RRP36: variants seen among roughly 807,000 people sequenced by gnomAD.
RRP36 encodes ribosomal RNA processing protein 36 homolog.
In RRP36, 44 loss-of-function variants were observed where a neutral mutation model predicts 39.8. The ratio of observed to expected loss-of-function variants is 1.10; its 90% CI spans 0.87 to 1.42. The LOEUF is 1.42. RRP36 is among the 40% of genes most tolerant of loss of function. RRP36 has a pLI of 0.00. For synonymous variants in RRP36, 124 were observed against 123.1 expected, an observed-to-expected ratio of 1.01 and a Z score of -0.05; for missense variants, 316 against 322.4, an observed-to-expected ratio of 0.98 and a Z score of 0.15.
At position 43,029,148 on chromosome 6, in the gene RRP36, A is replaced by G; in HGVS notation, c.700A>G (p.Lys234Glu). 1 of 1,614,228 alleles carries G rather than the reference A, an allele frequency of 6.2e-7. No individual in the cohort carries two copies. The highest frequency in any genetic ancestry group is 8.5e-7 in the Non-Finnish European group (1 of 1,180,036). ...GTTCAAGGAGCTGAAACGCAGCAAGAAATTGGAGAACTTCTTGAGTCGAAA... is the reference window on the plus strand; with the variant it reads ...GTTCAAGGAGCTGAAACGCAGCAAGGAATTGGAGAACTTCTTGAGTCGAAA... ...EKFKELKRSK[K>E]LENFLSRKRR... is the part of the protein sequence containing the mutation. The change falls in exon 7 of 7, where the codon AAA becomes GAA. Residue 234 changes from lysine (K) to glutamate (E), a missense_variant. Coordinates refer to ENST00000244496, the MANE Select transcript of RRP36 (RefSeq NM_033112.4).
At position 43,029,077 on chromosome 6, in the gene RRP36, C is replaced by T. The variant is rs766983538; in HGVS notation, c.644-15C>T. ...CCTTCTTTGTTCACCAACTTTCATTCTCCCTGTCATTTAGCTGAGCAGCGC... is the reference window on the plus strand; with the variant it reads ...CCTTCTTTGTTCACCAACTTTCATTTTCCCTGTCATTTAGCTGAGCAGCGC... On this transcript the variant is annotated splice_polypyrimidine_tract_variant and intron_variant, in intron 6 of 6. Coordinates refer to ENST00000244496, the MANE Select transcript of RRP36 (RefSeq NM_033112.4). 1.2e-6 allele frequency: 2 copies of T among 1,613,366 alleles called. No individual in the cohort carries two copies. The highest frequency in any genetic ancestry group is 2.2e-5 in the South Asian group (2 of 91,022).
intron 1 of RRP36, among the ~76,000 whole-genome samples, chr6:43,024,470 G>A (rs1233225588): frequency 6.6e-6 from 1 of 152,166 alleles, no homozygotes; most frequent in African/African-American, 2.4e-5. Context: ...GCCTGTAGGA[G>A]TAACATGATC....
At chr6:43,027,887 G>C (rs573398348) in intron 6 of RRP36, among the ~76,000 whole-genome samples, 22 of 145,902 alleles carry the variant, frequency 1.5e-4, no homozygotes, top group East Asian at 6.0e-4. Context: ...CACACACACA[G>C]AGTTTTATCT....
At position 43,021,721 on chromosome 6, in the gene RRP36, C is replaced by G. The variant is rs1446052199; in HGVS notation, c.67C>G (p.Arg23Gly). The G allele has an allele frequency of 2.7e-6, 3 of 1,119,964 alleles. No homozygotes were observed. In the African/African-American group the frequency reaches 5.0e-5, roughly 19 times the overall value. The allele number at this position is 1,119,964 out of a possible 1,614,324, so 69.4% of individuals were successfully genotyped here. The change falls in exon 1 of 7, where the codon CGG (arginine) becomes GGG (glycine). Residue 23 changes from arginine (R) to glycine (G), a missense_variant. Coordinates refer to ENST00000244496, the MANE Select transcript of RRP36 (RefSeq NM_033112.4). The part of the protein sequence containing the change: ...GAGARRPRGA[R>G]DREEDGGGLE... ...CGGGGCCCGACGTCCCCGCGGGGCC[C>G]GGGACCGCGAGGAGGACGGCGGGGG...
At chr6:43,026,763 G>A (rs1349762410) in intron 4 of RRP36, among the ~76,000 whole-genome samples, 1 of 152,070 alleles carries the variant, frequency 6.6e-6, no homozygotes, top group Non-Finnish European at 1.5e-5. Context: ...CCACCACTTT[G>A]GGAGGCCGAG....
chr6:43,021,641 G>C lies in RRP36; in HGVS notation c.-14G>C. 2.3e-6 allele frequency: 3 copies of C among 1,283,584 alleles called. No homozygotes were observed. The highest frequency in any genetic ancestry group is 3.0e-6 in the Non-Finnish European group (3 of 1,014,164). The allele number at this position is 1,283,584 out of a possible 1,614,324, so 79.5% of individuals were successfully genotyped here. ...AAGCGGCGCCATTCGTCTTCCGAGCGCTACTGCCAGCTGATGCCGGGAGCT... is the reference window on the plus strand; with the variant it reads ...AAGCGGCGCCATTCGTCTTCCGAGCCCTACTGCCAGCTGATGCCGGGAGCT... On this transcript the variant is annotated 5_prime_UTR_variant, in exon 1 of 7. Coordinates refer to ENST00000244496, the MANE Select transcript of RRP36 (RefSeq NM_033112.4).
chr6:43,025,622 CAAAAAAAA>C (rs1219326852), intron 3 of RRP36, among the ~76,000 whole-genome samples: 1 of 63,696 alleles, frequency 1.6e-5, no homozygotes, highest in South Asian at 5.3e-4. Flanking sequence ...GACTCTGTCT[CAAAAAAAA>C]AAAAAAAAAA....
In RRP36 at chr6:43,027,170, A is replaced by G; in HGVS notation, c.451-8A>G. ...TGCTAACCATGATACTCATTTTCCA[A>G]TGTGGAGCTTGTGAAAAAACAGTTG... On this transcript the variant is annotated splice_polypyrimidine_tract_variant and splice_region_variant and intron_variant, in intron 4 of 6. Transcript: ENST00000244496. The G allele has an allele frequency of 6.2e-7, 1 of 1,613,614 alleles. No homozygotes were observed. The highest frequency in any genetic ancestry group is 8.5e-7 in the Non-Finnish European group (1 of 1,179,548).
chr6:43,025,092 A>G lies in RRP36; in HGVS notation c.238A>G (p.Arg80Gly). The G allele has an allele frequency of 2.5e-6, 4 of 1,614,246 alleles. No homozygotes were observed. Among genetic ancestry groups the G allele is most frequent in the Non-Finnish European group, 3.4e-6 (4 of 1,180,050 alleles). ...AAATAGTCCTAAGAAACAAGCTTCTAGACCACCTATCCAAAATGCATGTGT... is the reference window on the plus strand; with the variant it reads ...AAATAGTCCTAAGAAACAAGCTTCTGGACCACCTATCCAAAATGCATGTGT... ...AGNSPKKQAS[R>G]PPIQNACVAD... The change falls in exon 2 of 7, where the codon AGA (arginine) becomes GGA (glycine). Residue 80 changes from arginine to glycine, a missense_variant. Coordinates refer to ENST00000244496, the MANE Select transcript of RRP36 (RefSeq NM_033112.4).
chr6:43,025,657 C>T (rs1322742343), intron 3 of RRP36, among the ~76,000 whole-genome samples: 3 of 148,890 alleles, frequency 2.0e-5, no homozygotes, highest in Non-Finnish European at 4.4e-5. Flanking sequence ...AGAGGCCGGG[C>T]GCAGTGGCTC....
chr6:43,027,906 A>ACG (rs1491249714), intron 6 of RRP36, among the ~76,000 whole-genome samples: 2 of 132,844 alleles, frequency 1.5e-5, no homozygotes, highest in African/African-American at 3.6e-5. Flanking sequence ...CTCTTGGTCT[A>ACG]CACACACACA....
chr6:43,028,287 A>C (rs1561864293), intron 6 of RRP36, among the ~76,000 whole-genome samples: 2 of 151,544 alleles, frequency 1.3e-5, no homozygotes, highest in African/African-American at 4.9e-5. Context: ...CCTAGATTGC[A>C]CTGTTGTACT....
At chr6:43,022,774 G>GGCGCCCGCCACC (rs1762749065) in intron 1 of RRP36, among the ~76,000 whole-genome samples, 2 of 151,654 alleles carry the variant, frequency 1.3e-5, no homozygotes, top group African/African-American at 4.8e-5. Flanking sequence ...TGGGACTACA[G>GGCGCCCGCCACC]GCGCCCGCCA....
chr6:43,021,668 A>G lies in RRP36; in HGVS notation c.14A>G (p.Asn5Ser), dbSNP rs776622419. 7.7e-5 allele frequency: 97 copies of G among 1,262,890 alleles called. No homozygotes were observed. In the African/African-American group the frequency reaches 1.7e-3, roughly 21 times the overall value. 78.2% of individuals were successfully genotyped at this position (1,262,890 alleles called of 1,614,324 possible). Residue 5 changes from asparagine (N) to serine (S), a missense_variant, in exon 1 of 7, where the codon AAC (asparagine) becomes AGC (serine). Asn to Ser is a conservative substitution (Grantham distance 46, BLOSUM62 1). Coordinates refer to ENST00000244496, the MANE Select transcript of RRP36 (RefSeq NM_033112.4). ...TACTGCCAGCTGATGCCGGGAGCTA[A>G]CTACCGCGCCGGGGCCGGGGCCGGG... MPGA[N>S]YRAGAGAGAG... is the part of the protein sequence containing the mutation.
intron 6 of RRP36, 42 bp downstream of exon 6, chr6:43,027,519 G>T: frequency 6.6e-7 from 1 of 1,524,476 alleles, no homozygotes; most frequent in South Asian, 1.1e-5. Flanking sequence ...CAGGGGTGCA[G>T]GGGCCATGGT....
intron 6 of RRP36, among the ~76,000 whole-genome samples, chr6:43,028,746 T>A (rs527319697): frequency 6.6e-6 from 1 of 151,598 alleles, no homozygotes; most frequent in Non-Finnish European, 1.5e-5. Flanking sequence ...AGGTCAGGAG[T>A]TCGAGACCAG....
At chr6:43,029,054 T>G in intron 6 of RRP36, 38 bp from the exon 7 acceptor site, 6 of 1,611,834 alleles carry the variant, frequency 3.7e-6, no homozygotes, top group Non-Finnish European at 5.1e-6. Context: ...AGGGGCTTCC[T>G]TCTTTGTTCA....
In RRP36 at chr6:43,025,334, G is replaced by A. The variant is rs746860425; in HGVS notation, c.345+5G>A. ...GTTGTTCCCATTAGTAAAAAGGTAA[G>A]GAAGAAGGCCAGGCACTGTGGCTCA... On this transcript the variant is annotated splice_donor_5th_base_variant and intron_variant, in intron 3 of 6. Transcript: ENST00000244496. 1.7e-5 allele frequency: 27 copies of A among 1,612,726 alleles called. No homozygotes were observed. The highest frequency in any genetic ancestry group is 5.3e-5 in the African/African-American group (4 of 74,894).
At chr6:43,027,828 T>TACACAC (rs143577260) in intron 6 of RRP36, among the ~76,000 whole-genome samples, 3 of 139,184 alleles carry the variant, frequency 2.2e-5, no homozygotes, top group African/African-American at 5.4e-5. Flanking sequence ...TCTCTTGGTC[T>TACACAC]ACACACACAC....
Sources: gnomAD v4.1 joint callset for allele counts (sites outside exome capture counted in the v4.1 genomes callset) on GRCh38, gnomAD v4.1.1 for gene constraint, MANE v1.5 for transcripts, NCBI Gene and HGNC (gene_info 2026-07-23, HGNC 2026-07-21) for gene names.